The following CHD6 variants were observed in gnomAD, a reference collection of about 807,000 sequenced individuals.
The protein encoded by CHD6 is ATP-dependent chromatin remodeler CHD6.
Under a neutral mutation model 276.9 loss-of-function variants are expected in CHD6, and 50 were observed. The observed-to-expected ratio is 0.18, with a 90% CI of 0.14 to 0.23. The LOEUF (loss-of-function observed/expected upper bound fraction) is 0.23, where lower values mean the gene tolerates loss of function less well. CHD6 is among the 10% of genes least tolerant of loss of function. The probability of loss-of-function intolerance (pLI) is 1.00; values close to 1 mark genes in which losing one functional copy is unlikely to be tolerated. For synonymous variants in CHD6, 1,173 were observed against 1,229.3 expected (o/e 0.95, Z 0.96); for missense variants, 2,564 against 3,365.8 (o/e 0.76, Z 5.89).
intron 2 of CHD6, among the ~76,000 whole-genome samples, chr20:41,544,637 ATAAT>A (rs1381145442): frequency 3.3e-5 from 5 of 150,814 alleles, no homozygotes; most frequent in African/African-American, 4.8e-5. Context: ...ATATTAACAT[ATAAT>A]TAATCATACT....
chr20:41,489,384 G>A (rs2043495151), intron 12 of CHD6, among the ~76,000 whole-genome samples: 1 of 151,994 alleles, frequency 6.6e-6, no homozygotes, highest in South Asian at 2.1e-4. Context: ...ATCCTTCTCT[G>A]TCAAATCTGT....
intron 1 of CHD6, among the ~76,000 whole-genome samples, chr20:41,613,042 T>C (rs373515110): frequency 2.6e-5 from 4 of 152,172 alleles, no homozygotes; most frequent in African/African-American, 4.8e-5. Context: ...CTGAGAACTT[T>C]AATATAAAAT....
chr20:41,489,415 C>T (rs2043495518), intron 12 of CHD6, among the ~76,000 whole-genome samples: 1 of 152,190 alleles, frequency 6.6e-6, no homozygotes, highest in Non-Finnish European at 1.5e-5. Flanking sequence ...TCCAAACTCC[C>T]TGGCTGGGAA....
At position 41,452,684 on chromosome 20, in the gene CHD6, AAAACAGAGGGGAAC is replaced by A. The variant is rs1439886037; in HGVS notation, c.3323+42_3323+55del. On this transcript the variant is annotated intron_variant, in intron 21 of 36. Coordinates refer to ENST00000373233, the MANE Select transcript of CHD6 (RefSeq NM_032221.5). The surrounding 1 kb of genome is among the most constrained non-coding windows in gnomAD (Gnocchi z 4.2). Reference sequence around the variant, plus strand: ...ATCCTAGACAAATCTCAGGGACTGAAAAACAGAGGGGAACAAACAACAATAACAACAAAACTAAG... The same window carrying A: ...ATCCTAGACAAATCTCAGGGACTGAAAAACAACAATAACAACAAAACTAAG... The A allele has an allele frequency of 1.3e-6, 2 of 1,515,994 alleles. No individual in the cohort carries two copies. The highest frequency in any genetic ancestry group is 1.8e-6 in the Non-Finnish European group (2 of 1,103,316). 93.9% of individuals were successfully genotyped at this position (1,515,994 alleles called of 1,614,324 possible).
At chr20:41,532,706 C>G (rs886596602) in intron 3 of CHD6, among the ~76,000 whole-genome samples, 2 of 152,000 alleles carry the variant, frequency 1.3e-5, no homozygotes, top group East Asian at 3.9e-4. Flanking sequence ...ATAGGGGGTA[C>G]ATCTACACAG....
At chr20:41,567,497 T>G (rs1333937287) in intron 1 of CHD6, among the ~76,000 whole-genome samples, 1 of 152,040 alleles carries the variant, frequency 6.6e-6, no homozygotes, top group South Asian at 2.1e-4. Flanking sequence ...GTGGTGGTCT[T>G]GCCTGTCTCC....
chr20:41,571,956 T>C (rs1483966319), intron 1 of CHD6, among the ~76,000 whole-genome samples: 1 of 152,252 alleles, frequency 6.6e-6, no homozygotes, highest in East Asian at 1.9e-4. Context: ...AAGTAACCAC[T>C]AGCCTGACTT....
At chr20:41,509,447 G>A (rs1434434206) in intron 5 of CHD6, among the ~76,000 whole-genome samples, 1 of 152,130 alleles carries the variant, frequency 6.6e-6, no homozygotes, top group Non-Finnish European at 1.5e-5. Context: ...ACATATTAGA[G>A]TGCCCTAAGA....
At chr20:41,428,360 T>C (rs1016823286) in intron 27 of CHD6, among the ~76,000 whole-genome samples, 2 of 152,238 alleles carry the variant, frequency 1.3e-5, no homozygotes, top group Non-Finnish European at 2.9e-5. Context: ...GTGACAGTCC[T>C]GAGCATGCAG....
At chr20:41,506,381 A>G (rs532892342) in intron 5 of CHD6, among the ~76,000 whole-genome samples, 1 of 152,128 alleles carries the variant, frequency 6.6e-6, no homozygotes, top group East Asian at 1.9e-4. Flanking sequence ...TCCATTCTTC[A>G]TGCATACCAA....
At chr20:41,531,227 A>G (rs2044677011) in intron 3 of CHD6, among the ~76,000 whole-genome samples, 1 of 152,188 alleles carries the variant, frequency 6.6e-6, no homozygotes, top group Non-Finnish European at 1.5e-5. Flanking sequence ...TCAGACACCT[A>G]TGGCTTTCTA....
intron 1 of CHD6, among the ~76,000 whole-genome samples, chr20:41,584,807 T>G (rs1303042002): frequency 6.6e-6 from 1 of 151,988 alleles, no homozygotes; most frequent in Non-Finnish European, 1.5e-5. Flanking sequence ...ACTTAAACAG[T>G]GCTTAGACAA....
chr20:41,551,832 A>T (rs2045151705), intron 1 of CHD6, among the ~76,000 whole-genome samples: 1 of 152,234 alleles, frequency 6.6e-6, no homozygotes, highest in African/African-American at 2.4e-5. Flanking sequence ...AAGGAGTGAG[A>T]CAGGATTTGG....
chr20:41,444,443 T>C (rs1365726555), intron 25 of CHD6, among the ~76,000 whole-genome samples: 1 of 152,244 alleles, frequency 6.6e-6, no homozygotes, highest in Non-Finnish European at 1.5e-5. Flanking sequence ...TATGATTGCA[T>C]GTAGTTCTAC....
intron 16 of CHD6, among the ~76,000 whole-genome samples, chr20:41,474,491 T>G (rs1467629180): frequency 2.0e-5 from 3 of 152,156 alleles, no homozygotes; most frequent in African/African-American, 7.2e-5. Flanking sequence ...GGGATGTTAC[T>G]CTGGGCCCAA....
Position 41,588,363 on chromosome 20 carries a change from A to G in CHD6, c.-24+29977T>C, listed in dbSNP as rs1018826014. The stretch of plus-strand genomic sequence containing the variant: ...GGTGGCTCTGCTGTATGGTCTCACA[A>G]TGAGAAACAGGCTGAAGAGGCTGTG... On this transcript the variant is annotated intron_variant, in intron 1 of 36. Coordinates refer to ENST00000373233, the MANE Select transcript of CHD6 (RefSeq NM_032221.5). Among the ~76,000 whole-genome samples the G allele has an allele frequency of 7.2e-5, 11 of 152,320 alleles. No homozygotes were observed. In the East Asian group the frequency reaches 1.7e-3, roughly 24 times the overall value.
At position 41,402,195 on chromosome 20, in the gene CHD6, A is replaced by G. The variant is rs2145335605; in HGVS notation, c.*2398T>C. ...AAAGTTATGGCCGTGAGTGACATGG[A>G]ATTAGATGAAAAGGCTCAAGTTTGC... On this transcript the variant is annotated 3_prime_UTR_variant, in exon 37 of 37. Transcript: ENST00000373233. 4.6e-6 allele frequency: 1 copy of G among 216,110 alleles called. No individual in the cohort carries two copies. The highest frequency in any genetic ancestry group is 1.9e-4 in the South Asian group (1 of 5,370). 13.4% of individuals were successfully genotyped at this position (216,110 alleles called of 1,614,324 possible). A position where few individuals can be genotyped will look rare whatever the true frequency, so the allele number is the denominator to read the frequency against.
intron 1 of CHD6, among the ~76,000 whole-genome samples, chr20:41,572,116 C>G (rs1248673363): frequency 6.6e-6 from 1 of 152,220 alleles, no homozygotes; most frequent in East Asian, 1.9e-4. Flanking sequence ...ACTCCAAACT[C>G]ACCCTTCAGT....
chr20:41,571,125 A>G (rs1375427594), intron 1 of CHD6, among the ~76,000 whole-genome samples: 6 of 152,140 alleles, frequency 3.9e-5, no homozygotes, highest in African/African-American at 1.4e-4. Flanking sequence ...TTAGTGAAGA[A>G]AAAGAAGGTC....
Sources: allele counts gnomAD v4.1 joint callset (sites outside exome capture counted in the v4.1 genomes callset), GRCh38; gene constraint gnomAD v4.1.1; non-coding constraint Gnocchi (gnomAD v3.1); transcripts MANE v1.5; gene names NCBI Gene and HGNC (gene_info 2026-07-23, HGNC 2026-07-21).